The following FBXL7 variants were observed in gnomAD, a reference collection of about 807,000 sequenced individuals.
The protein encoded by FBXL7 is F-box/LRR-repeat protein 7.
Under a neutral mutation model 38.3 loss-of-function variants are expected in FBXL7, and 12 were observed. The observed-to-expected ratio is 0.31, with a 90% CI of 0.20 to 0.51. The LOEUF is 0.51. FBXL7 is among the 20% of genes least tolerant of loss of function. FBXL7 has a pLI of 0.98. For synonymous variants in FBXL7, 297 were observed against 300.9 expected (o/e 0.99, Z 0.13); for missense variants, 567 against 676.4 (o/e 0.84, Z 1.79).
intron 2 of FBXL7, among the ~76,000 whole-genome samples, chr5:15,756,319 T>C (rs1418713337): frequency 2.0e-5 from 3 of 152,200 alleles, no homozygotes; most frequent in Non-Finnish European, 4.4e-5. Context: ...AAAATGTTTT[T>C]ACTCTCCATA....
intron 1 of FBXL7, among the ~76,000 whole-genome samples, chr5:15,612,568 G>A (rs1740283898): frequency 6.6e-6 from 1 of 151,938 alleles, no homozygotes; most frequent in Non-Finnish European, 1.5e-5. Context: ...TAAAAATAAT[G>A]AATAACTGTG....
intron 2 of FBXL7, among the ~76,000 whole-genome samples, chr5:15,684,315 C>T (rs949981848): frequency 5.3e-5 from 8 of 152,026 alleles, no homozygotes; most frequent in Non-Finnish European, 1.2e-4. Context: ...GGTGTGTGCA[C>T]GGTATCTAGG....
At chr5:15,712,572 T>C (rs1743910181) in intron 2 of FBXL7, among the ~76,000 whole-genome samples, 1 of 152,096 alleles carries the variant, frequency 6.6e-6, no homozygotes, top group African/African-American at 2.4e-5. Flanking sequence ...CTGTGATACA[T>C]GTTTTTCTTA....
intron 2 of FBXL7, among the ~76,000 whole-genome samples, chr5:15,818,794 A>G (rs1173085770): frequency 1.3e-5 from 2 of 151,782 alleles, no homozygotes; most frequent in African/African-American, 4.8e-5. Flanking sequence ...AAAAATAGAA[A>G]TGAAGAAGAA....
chr5:15,610,458 A>G lies in FBXL7; in HGVS notation c.38-5525A>G, dbSNP rs537509500. ...TCTTGATTTTCTAAAAGGGCTGAGA[A>G]TGTAGGCAGTTCCTTCCTGAGACAA... On this transcript the variant is annotated intron_variant, in intron 1 of 3. Transcript: ENST00000504595. Among the ~76,000 whole-genome samples, 24 of 152,324 alleles carry G rather than the reference A, an allele frequency of 1.6e-4. No individual in the cohort carries two copies. In the South Asian group the frequency reaches 5.0e-3, roughly 32 times the overall value.
At chr5:15,652,402 G>A (rs111480138) in intron 2 of FBXL7, among the ~76,000 whole-genome samples, 3 of 152,114 alleles carry the variant, frequency 2.0e-5, no homozygotes, top group Non-Finnish European at 1.5e-5. Context: ...GAGTAGCTGG[G>A]ACTACAGGTG....
At chr5:15,656,183 A>G (rs1272295665) in intron 2 of FBXL7, among the ~76,000 whole-genome samples, 1 of 152,240 alleles carries the variant, frequency 6.6e-6, no homozygotes, top group African/African-American at 2.4e-5. Flanking sequence ...TATTTTCACA[A>G]TGCTTGCTAA....
chr5:15,885,474 A>G (rs890259452), intron 2 of FBXL7, among the ~76,000 whole-genome samples: 2 of 152,220 alleles, frequency 1.3e-5, no homozygotes, highest in African/African-American at 2.4e-5. Context: ...TATAAATTCC[A>G]GAAGATGAGA....
intron 1 of FBXL7, among the ~76,000 whole-genome samples, chr5:15,574,695 G>A (rs535778747): frequency 3.5e-4 from 54 of 152,246 alleles, no homozygotes; most frequent in African/African-American, 1.2e-3. Context: ...AAGCCTGCCC[G>A]TGTGAGGTGC....
intron 2 of FBXL7, among the ~76,000 whole-genome samples, chr5:15,746,511 A>G (rs1427710709): frequency 6.6e-6 from 1 of 151,634 alleles, no homozygotes; most frequent in Non-Finnish European, 1.5e-5. Flanking sequence ...CCTCATAGAC[A>G]GTTCTGTTCT....
At chr5:15,542,416 C>T (rs908108907) in intron 1 of FBXL7, among the ~76,000 whole-genome samples, 1 of 151,962 alleles carries the variant, frequency 6.6e-6, no homozygotes, top group African/African-American at 2.4e-5. Flanking sequence ...ATTTTTTTGC[C>T]AACATCCATC....
chr5:15,656,397 T>A (rs1212076231), intron 2 of FBXL7, among the ~76,000 whole-genome samples: 1 of 152,078 alleles, frequency 6.6e-6, no homozygotes, highest in Non-Finnish European at 1.5e-5. Flanking sequence ...GGCTGGGGAA[T>A]CCTCACAATC....
At chr5:15,784,378 T>A (rs576126896) in intron 2 of FBXL7, among the ~76,000 whole-genome samples, 1 of 152,304 alleles carries the variant, frequency 6.6e-6, no homozygotes, top group South Asian at 2.1e-4. Context: ...TACATGGAGA[T>A]GTTTACTGAA....
intron 2 of FBXL7, among the ~76,000 whole-genome samples, chr5:15,867,194 T>C (rs1036047937): frequency 6.6e-6 from 1 of 152,182 alleles, no homozygotes; most frequent in Non-Finnish European, 1.5e-5. Flanking sequence ...TCACTCACAG[T>C]CTTCCCTTCC....
intron 1 of FBXL7, among the ~76,000 whole-genome samples, chr5:15,600,972 G>A (rs920106956): frequency 4.6e-5 from 7 of 152,206 alleles, no homozygotes; most frequent in Admixed American, 3.3e-4. Flanking sequence ...CTGTTGAAAG[G>A]TGATACTAGT....
intron 2 of FBXL7, among the ~76,000 whole-genome samples, chr5:15,856,780 A>G (rs1739285503): frequency 6.6e-6 from 1 of 151,246 alleles, no homozygotes; most frequent in Non-Finnish European, 1.5e-5. Context: ...CATGATATAC[A>G]TACTTGTGTT....
chr5:15,923,955 G>A (rs943442017), intron 2 of FBXL7, among the ~76,000 whole-genome samples: 3 of 152,108 alleles, frequency 2.0e-5, no homozygotes, highest in African/African-American at 4.8e-5. Flanking sequence ...GCAGGCAGGA[G>A]AGGGATTTCT....
chr5:15,674,118 C>T (rs1190522833), intron 2 of FBXL7, among the ~76,000 whole-genome samples: 2 of 152,164 alleles, frequency 1.3e-5, no homozygotes, highest in African/African-American at 2.4e-5. Flanking sequence ...ACCAGCATTT[C>T]CTTAGCTTTG....
chr5:15,685,632 G>A (rs1457655848), intron 2 of FBXL7, among the ~76,000 whole-genome samples: 1 of 152,120 alleles, frequency 6.6e-6, no homozygotes, highest in Non-Finnish European at 1.5e-5. Context: ...TTTAAGACAG[G>A]CAGAACTGAG....
Sources: allele counts gnomAD v4.1 joint callset (sites outside exome capture counted in the v4.1 genomes callset), GRCh38; gene constraint gnomAD v4.1.1; transcripts MANE v1.5; gene names NCBI Gene and HGNC (gene_info 2026-07-23, HGNC 2026-07-21).